L3MBTL2: variants seen among roughly 807,000 people sequenced by gnomAD.
L3MBTL2 encodes the protein L3MBTL histone methyl-lysine binding protein 2.
L3MBTL2 carries 49 observed loss-of-function variants against 86.4 expected under a neutral mutation model. The observed-to-expected ratio is 0.57, with a 90% CI of 0.45 to 0.72. L3MBTL2 has a LOEUF of 0.72. Among genes scored for constraint, L3MBTL2 ranks in the 30% least tolerant of loss-of-function variants. The pLI is 0.00. For synonymous variants in L3MBTL2, 336 were observed against 350.6 expected, an observed-to-expected ratio of 0.96 and a Z score of 0.47; for missense variants, 755 against 923.7, an observed-to-expected ratio of 0.82 and a Z score of 2.37.
At chr22:41,226,925 G>A (rs1324964327) in intron 13 of L3MBTL2, among the ~76,000 whole-genome samples, 164 bp from the exon 14 acceptor site, 1 of 152,254 alleles carries the variant, frequency 6.6e-6, no homozygotes, top group African/African-American at 2.4e-5. Context: ...ATGGAGGGCG[G>A]TACTGGGAGA....
chr22:41,206,397 C>G (rs909617947), intron 1 of L3MBTL2, among the ~76,000 whole-genome samples: 2 of 152,140 alleles, frequency 1.3e-5, no homozygotes, highest in African/African-American at 4.8e-5. Flanking sequence ...TGACAACGCA[C>G]TGCAGCCTCT....
intron 2 of L3MBTL2, among the ~76,000 whole-genome samples, chr22:41,211,204 T>C (rs548846558): frequency 5.3e-5 from 8 of 152,186 alleles, no homozygotes; most frequent in Non-Finnish European, 1.0e-4. Flanking sequence ...TCCCAAACTT[T>C]TTTTGTTTTA....
In L3MBTL2 at chr22:41,227,773, C is replaced by A; in HGVS notation, c.1823-31C>A. ...TGTGTCCTCCCAGGGACCCTCTTCT[C>A]ATCTCTTTCACCCTTGTCTTTCAAC... is the stretch of plus-strand genomic sequence containing the variant. On this transcript the variant is annotated intron_variant, in intron 14 of 16. Coordinates refer to ENST00000216237, the MANE Select transcript of L3MBTL2 (RefSeq NM_031488.5). The surrounding 1 kb of genome is among the most constrained non-coding windows in gnomAD (Gnocchi z 6.0). 1.9e-6 allele frequency: 3 copies of A among 1,613,408 alleles called. No individual in the cohort carries two copies. The highest frequency in any genetic ancestry group is 2.5e-6 in the Non-Finnish European group (3 of 1,179,674).
chr22:41,205,343 C>T lies in L3MBTL2; in HGVS notation c.-20C>T, dbSNP rs903492516. On this transcript the variant is annotated 5_prime_UTR_variant, in exon 1 of 17. Transcript: ENST00000216237. ...ATATGGCTTCCTGCACCTGGTGACGCTTGGCGAAACTGAGGTCTCATGGAG... is the reference window on the plus strand; with the variant it reads ...ATATGGCTTCCTGCACCTGGTGACGTTTGGCGAAACTGAGGTCTCATGGAG... 2 of 1,614,144 alleles carry T rather than the reference C, an allele frequency of 1.2e-6. No homozygotes were observed. Among genetic ancestry groups the T allele is most frequent in the Non-Finnish European group, 8.5e-7 (1 of 1,180,020 alleles).
In L3MBTL2 at chr22:41,224,338, C is replaced by CAGCAGGTG. The variant is rs528160848; in HGVS notation, c.1174+88_1174+95dup. On this transcript the variant is annotated intron_variant, in intron 9 of 16. Coordinates refer to ENST00000216237, the MANE Select transcript of L3MBTL2 (RefSeq NM_031488.5). This position sits in a 1 kb window ranked among gnomAD's most constrained non-coding sequence, Gnocchi z 4.9. ...CACCTTCCTACTCGTCACAGCAGGT[C>CAGCAGGTG]AGCAGGTGGAGGTTGGCATGGCCCC... 1,257 of 1,078,596 alleles carry CAGCAGGTG rather than the reference C, an allele frequency of 1.2e-3. 2 individuals carry two copies. Among genetic ancestry groups the CAGCAGGTG allele is most frequent in the Non-Finnish European group, 1.6e-3 (1,193 of 738,018 alleles). 66.8% of individuals were successfully genotyped at this position (1,078,596 alleles called of 1,614,324 possible).
Position 41,209,912 on chromosome 22 carries a change from G to A in L3MBTL2, c.241G>A (p.Asp81Asn). Residue 81 changes from aspartate (D) to asparagine (N), a missense_variant, in exon 2 of 17, where the codon GAT becomes AAT. By Grantham distance (23) the Asp-to-Asn change is conservative. This residue lies in a region of L3MBTL2 where 103 missense variants were observed against 105.2 expected (regional missense o/e 0.98). Transcript: ENST00000216237. ...CAGCCCTGGGACTCCTCGCTCCTTGGATGGCAGTGGTTCTGAGCCAGGTGC... is the reference window on the plus strand; with the variant it reads ...CAGCCCTGGGACTCCTCGCTCCTTGAATGGCAGTGGTTCTGAGCCAGGTGC... ...LLSPGTPRSL[D>N]GSGSEPAVCE... is the part of the protein sequence containing the mutation. 6.2e-7 allele frequency: 1 copy of A among 1,613,872 alleles called. No individual in the cohort carries two copies. Among genetic ancestry groups the A allele is most frequent in the Non-Finnish European group, 8.5e-7 (1 of 1,179,858 alleles).
chr22:41,221,157 T>G, intron 7 of L3MBTL2, 42 bp from the exon 8 acceptor site: 1 of 1,291,556 alleles, frequency 7.7e-7, no homozygotes, highest in Non-Finnish European at 1.0e-6. Context: ...CAGTGGAGGT[T>G]TGTCAGTCTG....
In L3MBTL2 at chr22:41,210,136, CTAATT is replaced by C. The variant is rs1192204990; in HGVS notation, c.262+205_262+209del. ...CTGTGTTAACTTCCTTTGCTGAAGT[CTAATT>C]TCTTTTTTTTTTTTTTTTTTTTTTT... On this transcript the variant is annotated intron_variant, in intron 2 of 16. Coordinates refer to ENST00000216237, the MANE Select transcript of L3MBTL2 (RefSeq NM_031488.5). 3.2e-5 allele frequency: 9 copies of C among 278,570 alleles called. No homozygotes were observed. The South Asian group carries it at 5.6e-4, about 17-fold the overall frequency. 17.3% of individuals were successfully genotyped at this position (278,570 alleles called of 1,614,324 possible). A position where few individuals can be genotyped will look rare whatever the true frequency, so the allele number is the denominator to read the frequency against.
chr22:41,227,021 G>T lies in L3MBTL2; in HGVS notation c.1588-68G>T. The T allele has an allele frequency of 7.1e-7, 1 of 1,410,156 alleles. No homozygotes were observed. The allele number at this position is 1,410,156 out of a possible 1,614,324, so 87.4% of individuals were successfully genotyped here. ...CCCTGCCAGTTCTTCAAGTGCCTCC[G>T]GGCCGGGGCAAGCCTGCTGGGGTAG... On this transcript the variant is annotated intron_variant, in intron 13 of 16. Coordinates refer to ENST00000216237, the MANE Select transcript of L3MBTL2 (RefSeq NM_031488.5). This position sits in a 1 kb window ranked among gnomAD's most constrained non-coding sequence, Gnocchi z 6.0.
chr22:41,217,436 C>T (rs570409945), intron 5 of L3MBTL2: 17 of 512,996 alleles, frequency 3.3e-5, no homozygotes, highest in Middle Eastern at 5.3e-4. Flanking sequence ...AGTTTATTTA[C>T]ATGATGGAAC....
rs758875511 is a variant in L3MBTL2 at position 41,211,573 on chromosome 22, T to TTTTTTTTTTTTTTTTTTC, written c.262+1641_262+1642insTTTTTTTTTTTTTTTTCT. ...TCTTATTTCCTTTTTTTTTTTTTTTTTGAGACGGAGTCTTGCTCTGTCACC... is the reference window on the plus strand; with the variant it reads ...TCTTATTTCCTTTTTTTTTTTTTTTTTTTTTTTTTTTTTTTTTCTGAGACGGAGTCTTGCTCTGTCACC... On this transcript the variant is annotated intron_variant, in intron 2 of 16. Transcript: ENST00000216237. 3.9e-4 allele frequency among the ~76,000 whole-genome samples: 54 copies of TTTTTTTTTTTTTTTTTTC among 139,552 alleles called. 2 individuals carry two copies. Among genetic ancestry groups the TTTTTTTTTTTTTTTTTTC allele is most frequent in the East Asian group, 8.5e-4 (4 of 4,724 alleles). The allele number at this position is 139,552 out of a possible 152,430, so 91.6% of individuals were successfully genotyped here.
chr22:41,221,009 C>A (rs2031773040), intron 7 of L3MBTL2, 141 bp downstream of exon 7: 1 of 1,077,210 alleles, frequency 9.3e-7, no homozygotes, highest in Non-Finnish European at 1.3e-6. Context: ...CTGCCCTCCC[C>A]ATCCCAGAGG....
In L3MBTL2 at chr22:41,225,984, A is replaced by G. The variant is rs1460866048; in HGVS notation, c.1504+43A>G. Reference sequence around the variant, plus strand: ...ACCACCTGCTGTCCTTGCCATCAGAAGGGGCAGGGTGTCCAGGCGCGGTGG... The same window carrying G: ...ACCACCTGCTGTCCTTGCCATCAGAGGGGGCAGGGTGTCCAGGCGCGGTGG... On this transcript the variant is annotated intron_variant, in intron 12 of 16. Transcript: ENST00000216237. This position sits in a 1 kb window ranked among gnomAD's most constrained non-coding sequence, Gnocchi z 4.1. 1 of 1,604,562 alleles carries G rather than the reference A, an allele frequency of 6.2e-7. No homozygotes were observed. The highest frequency in any genetic ancestry group is 8.5e-7 in the Non-Finnish European group (1 of 1,175,858).
Position 41,217,216 on chromosome 22 carries a change from A to C in L3MBTL2, c.600+14A>C, listed in dbSNP as rs1384359012. 24 of 1,606,330 alleles carry C rather than the reference A, an allele frequency of 1.5e-5. No homozygotes were observed. The Admixed American group carries it at 2.2e-4, about 15-fold the overall frequency. On this transcript the variant is annotated intron_variant, in intron 5 of 16. Coordinates refer to ENST00000216237, the MANE Select transcript of L3MBTL2 (RefSeq NM_031488.5). ...TGTTTCAAGCACGTGAGTGCCCTGG[A>C]GCTGAGGGAGGGAGGCCGGGGAGCC...
rs553144159 is a variant in L3MBTL2 at position 41,227,917 on chromosome 22, T to C, written c.1888+48T>C. On this transcript the variant is annotated intron_variant, in intron 15 of 16. Coordinates refer to ENST00000216237, the MANE Select transcript of L3MBTL2 (RefSeq NM_031488.5). The surrounding 1 kb of genome is among the most constrained non-coding windows in gnomAD (Gnocchi z 6.0). ...CAGGCTGGTGTGGGCCTGGGAGCAG[T>C]GGGCCTGCGTCCCTGGGAGCAGGCG... 2.5e-6 allele frequency: 4 copies of C among 1,599,686 alleles called. No homozygotes were observed. The highest frequency in any genetic ancestry group is 2.7e-5 in the African/African-American group (2 of 74,618).
At chr22:41,221,803 C>T (rs2031841096) in intron 8 of L3MBTL2, among the ~76,000 whole-genome samples, 4 of 152,040 alleles carry the variant, frequency 2.6e-5, no homozygotes, top group Non-Finnish European at 5.9e-5. Context: ...TGGAGTTTCA[C>T]CGTGGTAGCC....
chr22:41,217,613 G>C, intron 5 of L3MBTL2: 1 of 190,704 alleles, frequency 5.2e-6, no homozygotes, highest in Non-Finnish European at 1.1e-5. Flanking sequence ...TTCTGTAAAA[G>C]GCTCCTCGAT....
intron 2 of L3MBTL2, among the ~76,000 whole-genome samples, chr22:41,211,573 T>TTTTTTTTTTTTTGTG: frequency 7.2e-6 from 1 of 139,580 alleles, no homozygotes; most frequent in South Asian, 2.3e-4. Flanking sequence ...TTTTTTTTTT[T>TTTTTTTTTTTTTGTG]TGAGACGGAG....
At position 41,217,219 on chromosome 22, in the gene L3MBTL2, TGAGG is replaced by T; in HGVS notation, c.600+26_600+29del. 1 of 1,604,782 alleles carries T rather than the reference TGAGG, an allele frequency of 6.2e-7. No individual in the cohort carries two copies. Among genetic ancestry groups the T allele is most frequent in the South Asian group, 1.1e-5 (1 of 90,916 alleles). ...TTCAAGCACGTGAGTGCCCTGGAGCTGAGGGAGGGAGGCCGGGGAGCCGGGCCTG... is the reference window on the plus strand; with the variant it reads ...TTCAAGCACGTGAGTGCCCTGGAGCTGAGGGAGGCCGGGGAGCCGGGCCTG... On this transcript the variant is annotated intron_variant, in intron 5 of 16. Coordinates refer to ENST00000216237, the MANE Select transcript of L3MBTL2 (RefSeq NM_031488.5).
Sources: gnomAD v4.1 joint callset for allele counts (sites outside exome capture counted in the v4.1 genomes callset) on GRCh38, gnomAD v4.1.1 for gene constraint, gnomAD v4.1.1 regional missense constraint, Gnocchi (gnomAD v3.1) non-coding constraint, MANE v1.5 for transcripts, NCBI Gene and HGNC (gene_info 2026-07-23, HGNC 2026-07-21) for gene names.